SHANK2: variants seen among roughly 807,000 people sequenced by gnomAD.
SHANK2 encodes the protein SH3 and multiple ankyrin repeat domains 2.
SHANK2 carries 43 observed loss-of-function variants against 133.7 expected under a neutral mutation model. The observed-to-expected ratio is 0.32, with a 90% confidence interval of 0.25 to 0.41. The LOEUF is 0.41. Among genes scored for constraint, SHANK2 ranks in the 10% least tolerant of loss-of-function variants. The probability of loss-of-function intolerance (pLI) is 1.00; values close to 1 mark genes in which losing one functional copy is unlikely to be tolerated. For synonymous variants in SHANK2, 1,017 were observed against 952.8 expected, an observed-to-expected ratio of 1.07 and a Z score of -1.24; for missense variants, 1,994 against 2,235.8, an observed-to-expected ratio of 0.89 and a Z score of 2.18.
chr11:70,612,251 C>T (rs998230727), intron 17 of SHANK2, among the ~76,000 whole-genome samples: 2 of 152,030 alleles, frequency 1.3e-5, no homozygotes, highest in East Asian at 1.9e-4. Flanking sequence ...ACGTGCTGGG[C>T]AGGAGAGAAT....
At chr11:70,676,537 C>G (rs1011023306) in intron 15 of SHANK2, among the ~76,000 whole-genome samples, 14 of 152,354 alleles carry the variant, frequency 9.2e-5, no homozygotes, top group African/African-American at 3.1e-4. Flanking sequence ...ACTGCCCGTG[C>G]AATGGATGCT....
chr11:70,822,108 G>A (rs113245762), intron 11 of SHANK2, among the ~76,000 whole-genome samples: 66 of 152,340 alleles, frequency 4.3e-4, no homozygotes, highest in African/African-American at 1.5e-3. Context: ...TCCAAGCTCC[G>A]CAGGAAACAG....
At position 70,882,831 on chromosome 11, in the gene SHANK2, A is replaced by AG. The variant is rs777845466; in HGVS notation, c.1174+13669dup. Among the ~76,000 whole-genome samples, 89 of 152,256 alleles carry AG rather than the reference A, an allele frequency of 5.8e-4. No individual in the cohort carries two copies. Among genetic ancestry groups the AG allele is most frequent in the Non-Finnish European group, 9.7e-4 (66 of 68,018 alleles). On this transcript the variant is annotated intron_variant, in intron 11 of 25. Transcript: ENST00000601538. The surrounding 1 kb of genome is among the most constrained non-coding windows in gnomAD (Gnocchi z 4.2). Reference sequence around the variant, plus strand: ...CAAGCGGCTGGCCTGGTCCTCCAGGAGGGCAGAACTGTGTGGATTTTGCAG... The same window carrying AG: ...CAAGCGGCTGGCCTGGTCCTCCAGGAGGGGCAGAACTGTGTGGATTTTGCAG...
At chr11:71,077,938 A>G (rs1951242800) in intron 8 of SHANK2, among the ~76,000 whole-genome samples, 1 of 152,082 alleles carries the variant, frequency 6.6e-6, no homozygotes, top group Admixed American at 6.5e-5. Context: ...GACTAATAAA[A>G]ATGAAAATGT....
intron 13 of SHANK2, among the ~76,000 whole-genome samples, chr11:70,800,614 C>T (rs1948022914): frequency 6.6e-6 from 1 of 152,134 alleles, no homozygotes; most frequent in Admixed American, 6.5e-5. Flanking sequence ...TTCCTAATAA[C>T]CTGAAGAAAT....
At chr11:70,552,650 G>A (rs782446117) in intron 17 of SHANK2, among the ~76,000 whole-genome samples, 30 of 152,170 alleles carry the variant, frequency 2.0e-4, no homozygotes, top group Non-Finnish European at 3.4e-4. Flanking sequence ...GGGGCTCGTC[G>A]CTGGGCGTCA....
intron 3 of SHANK2, among the ~76,000 whole-genome samples, chr11:71,124,377 T>C (rs1590935367): frequency 1.3e-5 from 2 of 150,218 alleles, no homozygotes; most frequent in South Asian, 4.3e-4. Flanking sequence ...ATGATGACAG[T>C]AGTGGTGATG....
intron 17 of SHANK2, among the ~76,000 whole-genome samples, chr11:70,656,553 G>A (rs1394757785): frequency 6.6e-6 from 1 of 152,088 alleles, no homozygotes; most frequent in Non-Finnish European, 1.5e-5. Flanking sequence ...TGGGCTGGCT[G>A]ACATTTCACA....
intron 15 of SHANK2, among the ~76,000 whole-genome samples, chr11:70,680,354 A>G (rs115611327): frequency 1.4e-3 from 211 of 152,256 alleles, no homozygotes; most frequent in African/African-American, 4.7e-3. Context: ...TCACTGGGCT[A>G]AGACTGAGGT....
intron 16 of SHANK2, among the ~76,000 whole-genome samples, chr11:70,660,190 G>C (rs888369825): frequency 6.6e-6 from 1 of 152,148 alleles, no homozygotes; most frequent in African/African-American, 2.4e-5. Context: ...TGGCCTCTCT[G>C]CTGAAACCAC....
chr11:70,898,273 T>TAC (rs1297387859), intron 10 of SHANK2, among the ~76,000 whole-genome samples: 6 of 80,844 alleles, frequency 7.4e-5, no homozygotes, highest in Admixed American at 3.1e-4. Flanking sequence ...GCCAAATATA[T>TAC]ACACACACGC....
chr11:70,477,730 C>T (rs1162641958), intron 25 of SHANK2: 1 of 152,230 alleles, frequency 6.6e-6, no homozygotes, highest in Non-Finnish European at 1.5e-5. Context: ...TGGGGCCTGC[C>T]AGTGTCCTGC....
intron 10 of SHANK2, among the ~76,000 whole-genome samples, chr11:70,927,184 A>G (rs1950440742): frequency 2.0e-5 from 3 of 152,226 alleles, no homozygotes. Flanking sequence ...ACACGGAGAC[A>G]AAAGATTCTT....
chr11:71,182,575 C>T (rs1369925243), intron 2 of SHANK2, among the ~76,000 whole-genome samples: 1 of 152,154 alleles, frequency 6.6e-6, no homozygotes, highest in Non-Finnish European at 1.5e-5. Context: ...TGTCTTCACA[C>T]GGTCTTCCCT....
At chr11:71,138,518 T>C (rs1952491481) in intron 3 of SHANK2, among the ~76,000 whole-genome samples, 1 of 152,036 alleles carries the variant, frequency 6.6e-6, no homozygotes, top group African/African-American at 2.4e-5. Context: ...AAGGCCACTT[T>C]GGAATCAAGC....
Position 70,870,122 on chromosome 11 carries a change from T to C in SHANK2, c.1174+26379A>G, listed in dbSNP as rs183826133. Among the ~76,000 whole-genome samples the C allele has an allele frequency of 2.6e-4, 40 of 152,018 alleles. No homozygotes were observed. The East Asian group carries it at 7.8e-3, about 30-fold the overall frequency. ...ATAATTAGTGTCCTTATAAAGAGAG[T>C]GTGGCCCAGGGCACTATGGAAGAGG... On this transcript the variant is annotated intron_variant, in intron 11 of 25. Coordinates refer to ENST00000601538, the MANE Select transcript of SHANK2 (RefSeq NM_012309.5).
At chr11:71,202,989 A>C (rs1298503442) in intron 2 of SHANK2, among the ~76,000 whole-genome samples, 1 of 152,232 alleles carries the variant, frequency 6.6e-6, no homozygotes. Flanking sequence ...TCTGTGGAGC[A>C]GCAAAATAAG....
intron 18 of SHANK2, 53 bp downstream of exon 18, chr11:70,502,743 C>T: frequency 6.0e-6 from 4 of 665,286 alleles, no homozygotes; most frequent in Non-Finnish European, 8.5e-6. Context: ...CCGCCCCCAC[C>T]CCCCCCCCCC....
chr11:71,151,994 C>A lies in SHANK2; in HGVS notation c.-12-4656G>T, dbSNP rs528505317. Among the ~76,000 whole-genome samples, 4 of 152,316 alleles carry A rather than the reference C, an allele frequency of 2.6e-5. No homozygotes were observed. The South Asian group carries it at 8.3e-4, about 32-fold the overall frequency. ...CAAATCAGCCAGGCAGCAGCATTCC[C>A]ACTCTGGCCACAGCTGGTAGGTAGG... On this transcript the variant is annotated intron_variant, in intron 2 of 25. Coordinates refer to ENST00000601538, the MANE Select transcript of SHANK2 (RefSeq NM_012309.5).
Sources: allele counts gnomAD v4.1 joint callset (sites outside exome capture counted in the v4.1 genomes callset), GRCh38; gene constraint gnomAD v4.1.1; non-coding constraint Gnocchi (gnomAD v3.1); transcripts MANE v1.5; gene names NCBI Gene and HGNC (gene_info 2026-07-23, HGNC 2026-07-21).